The following CASZ1 variants were observed in gnomAD, a reference collection of about 807,000 sequenced individuals.
CASZ1 encodes the protein zinc finger protein castor homolog 1.
Under a neutral mutation model 135.2 loss-of-function variants are expected in CASZ1, and 28 were observed. The ratio of observed to expected loss-of-function variants is 0.21; its 90% CI spans 0.15 to 0.28. The LOEUF (loss-of-function observed/expected upper bound fraction) is 0.28, where lower values mean the gene tolerates loss of function less well. Ranked by LOEUF, CASZ1 falls within the 10% of genes least tolerant of loss-of-function variation. The probability of loss-of-function intolerance (pLI) is 1.00; values close to 1 mark genes in which losing one functional copy is unlikely to be tolerated. For synonymous variants in CASZ1, 1,068 were observed against 1,073.4 expected (o/e 0.99, Z 0.10); for missense variants, 2,161 against 2,453.3 (o/e 0.88, Z 2.52).
intron 1 of CASZ1, among the ~76,000 whole-genome samples, chr1:10,783,848 G>T (rs1490258896): frequency 7.3e-6 from 1 of 136,580 alleles, no homozygotes; most frequent in Non-Finnish European, 1.5e-5. Flanking sequence ...ATTCAGCCTG[G>T]GTGAAAAAGC....
rs921934911 is a variant in CASZ1, at chr1:10,762,297, G to C, written c.-233-1440C>G. ...CAGCCCAGCTCCCATCCCACCCCTC[G>C]GCGCCACACAGGGTTAACAGCGGGT... On this transcript the variant is annotated intron_variant, in intron 1 of 20. Transcript: ENST00000377022. The surrounding 1 kb of genome is among the most constrained non-coding windows in gnomAD (Gnocchi z 4.1). Among the ~76,000 whole-genome samples, 1 of 151,910 alleles carries C rather than the reference G, an allele frequency of 6.6e-6. No individual in the cohort carries two copies. The highest frequency in any genetic ancestry group is 1.5e-5 in the Non-Finnish European group (1 of 67,960).
In CASZ1 at chr1:10,759,009, C is replaced by G. The variant is rs1397322462; in HGVS notation, c.-77+1692G>C. On this transcript the variant is annotated intron_variant, in intron 2 of 20. Coordinates refer to ENST00000377022, the MANE Select transcript of CASZ1 (RefSeq NM_001079843.3). This position sits in a 1 kb window ranked among gnomAD's most constrained non-coding sequence, Gnocchi z 4.2. The stretch of plus-strand genomic sequence containing the variant: ...CAGGTACAAATCCCCGCTTGCATGA[C>G]CCCTGGGAGTCAACAGCGAATGGAA... Among the ~76,000 whole-genome samples, 4 of 152,196 alleles carry G rather than the reference C, an allele frequency of 2.6e-5. No individual in the cohort carries two copies. The highest frequency in any genetic ancestry group is 5.9e-5 in the Non-Finnish European group (4 of 68,030).
Position 10,759,545 on chromosome 1 carries a change from T to C in CASZ1, c.-77+1156A>G, listed in dbSNP as rs1640323975. Reference sequence around the variant, plus strand: ...CATTTGCATCTGATTTGCAAATCTCTGGGCTGTATCCAGAGCTAGTTCCCT... The same window carrying C: ...CATTTGCATCTGATTTGCAAATCTCCGGGCTGTATCCAGAGCTAGTTCCCT... On this transcript the variant is annotated intron_variant, in intron 2 of 20. Transcript: ENST00000377022. The surrounding 1 kb of genome is among the most constrained non-coding windows in gnomAD (Gnocchi z 4.2). Among the ~76,000 whole-genome samples the C allele has an allele frequency of 6.6e-6, 1 of 152,178 alleles. No homozygotes were observed. Among genetic ancestry groups the C allele is most frequent in the South Asian group, 2.1e-4 (1 of 4,816 alleles).
rs1032810289 is a variant in CASZ1 at position 10,656,698 on chromosome 1, G to A, written c.1448C>T (p.Ala483Val). 1 of 1,603,578 alleles carries A rather than the reference G, an allele frequency of 6.2e-7. No homozygotes were observed. ...GTGGTAGTGCTCGCGGTACTGGTAG[G>A]CACAGTGGATGTGGCCACAGTGCTG... ...GSQHCGHIHC[A>V]YQYREHYHCL... Residue 483 changes from alanine (A) to valine (V), a missense_variant, in exon 8 of 21, where the codon GCC becomes GTC. Transcript: ENST00000377022.
intron 2 of CASZ1, among the ~76,000 whole-genome samples, chr1:10,713,224 C>A (rs1211588442): frequency 1.3e-5 from 2 of 152,198 alleles, no homozygotes. Context: ...CTCATTACAT[C>A]CGGGGGGATT....
rs377222426 is a variant in CASZ1 at position 10,668,602 on chromosome 1, T to C, written c.17-3031A>G. ...CACACAGTCAGAGCCCACTCTCTGC[T>C]GGTGGCGGTGCTCTTGGCCTCCAGC... On this transcript the variant is annotated intron_variant, in intron 4 of 20. Coordinates refer to ENST00000377022, the MANE Select transcript of CASZ1 (RefSeq NM_001079843.3). Among the ~76,000 whole-genome samples, 911 of 152,364 alleles carry C rather than the reference T, an allele frequency of 6.0e-3. 8 individuals are homozygous for C. The highest frequency in any genetic ancestry group is 0.02 in the African/African-American group (845 of 41,590).
intron 2 of CASZ1, among the ~76,000 whole-genome samples, chr1:10,753,774 C>T (rs981668801): frequency 1.3e-5 from 2 of 152,150 alleles, no homozygotes; most frequent in African/African-American, 2.4e-5. Context: ...TCAAGAAGGG[C>T]GATCCGGGCA....
chr1:10,746,061 A>C (rs1277840681), intron 2 of CASZ1, among the ~76,000 whole-genome samples: 2 of 152,220 alleles, frequency 1.3e-5, no homozygotes, highest in South Asian at 2.1e-4. Context: ...CAGGTGAAGA[A>C]ACTGGGACAG....
intron 4 of CASZ1, among the ~76,000 whole-genome samples, chr1:10,688,981 GAGGAGGAGA>G (rs1289899159): frequency 2.0e-5 from 3 of 152,182 alleles, no homozygotes; most frequent in East Asian, 3.9e-4. Flanking sequence ...CTCTGAAGAT[GAGGAGGAGA>G]AGGAGGAAAA....
Position 10,654,136 on chromosome 1 carries a change from C to T in CASZ1, c.1921G>A (p.Ala641Thr), listed in dbSNP as rs781770661. ...KSYHIKDDAY[A>T]KDGFKKFYKY... ...TAGAACTTCTTGAAGCCGTCCTTGG[C>T]GTAGGCATCGTCCTTGATGTGGTAG... The change falls in exon 11 of 21, where the codon GCC becomes ACC. Residue 641 changes from alanine to threonine, a missense_variant. Ala to Thr is a moderately conservative substitution (Grantham distance 58, BLOSUM62 0). Around this residue, in one of 7 missense-constraint regions of CASZ1, gnomAD observed 248 missense variants for 410.8 expected, o/e 0.60. Coordinates refer to ENST00000377022, the MANE Select transcript of CASZ1 (RefSeq NM_001079843.3). 8.1e-6 allele frequency: 13 copies of T among 1,614,200 alleles called. No individual in the cohort carries two copies. Among genetic ancestry groups the T allele is most frequent in the East Asian group, 2.2e-5 (1 of 44,882 alleles).
At chr1:10,668,074 A>G (rs989397546) in intron 4 of CASZ1, among the ~76,000 whole-genome samples, 1 of 152,056 alleles carries the variant, frequency 6.6e-6, no homozygotes, top group African/African-American at 2.4e-5. Context: ...CCAGGGGTGG[A>G]GGTGGGAGGC....
chr1:10,773,340 G>A (rs951803044), intron 1 of CASZ1, among the ~76,000 whole-genome samples: 1 of 151,566 alleles, frequency 6.6e-6, no homozygotes, highest in Admixed American at 6.6e-5. Flanking sequence ...AGGTGTGCCG[G>A]CTACGGGCAG....
At chr1:10,687,492 G>A (rs1411340882) in intron 4 of CASZ1, among the ~76,000 whole-genome samples, 1 of 152,254 alleles carries the variant, frequency 6.6e-6, no homozygotes, top group African/African-American at 2.4e-5. Context: ...CACATACCAC[G>A]CCCGGGGCAG....
At chr1:10,658,190 C>G (rs893597135) in intron 7 of CASZ1, 8 of 345,188 alleles carry the variant, frequency 2.3e-5, no homozygotes, top group East Asian at 1.1e-4. Flanking sequence ...ACTCAAGGCT[C>G]TGTGTGACAG....
intron 2 of CASZ1, among the ~76,000 whole-genome samples, chr1:10,716,944 C>T (rs949331336): frequency 1.4e-4 from 22 of 152,148 alleles, no homozygotes; most frequent in African/African-American, 2.4e-4. Context: ...GTCTCTTTTA[C>T]GTTCGGTCAA....
chr1:10,686,817 C>G (rs1052304853), intron 4 of CASZ1, among the ~76,000 whole-genome samples: 17 of 152,232 alleles, frequency 1.1e-4, no homozygotes, highest in Admixed American at 2.6e-4. Context: ...GCCCCTCCCC[C>G]ACCCGTGGCC....
intron 4 of CASZ1, among the ~76,000 whole-genome samples, chr1:10,686,067 C>T (rs1305624218): frequency 6.6e-6 from 1 of 152,160 alleles, no homozygotes; most frequent in Non-Finnish European, 1.5e-5. Context: ...GCTACTGGGG[C>T]CAACCTGACC....
rs1030173486 is a variant in CASZ1 at position 10,721,215 on chromosome 1, G to T, written c.-76-15671C>A. Among the ~76,000 whole-genome samples, 1 of 152,006 alleles carries T rather than the reference G, an allele frequency of 6.6e-6. No homozygotes were observed. The highest frequency in any genetic ancestry group is 2.4e-5 in the African/African-American group (1 of 41,384). ...GCACAGGGTTAACTCCAGACAGAGG[G>T]GCTGGCTGGCTTTCCTTCACTCTAC... On this transcript the variant is annotated intron_variant, in intron 2 of 20. Transcript: ENST00000377022. The surrounding 1 kb of genome is among the most constrained non-coding windows in gnomAD (Gnocchi z 5.4).
At chr1:10,781,180 A>G (rs1464006997) in intron 1 of CASZ1, among the ~76,000 whole-genome samples, 1 of 152,134 alleles carries the variant, frequency 6.6e-6, no homozygotes, top group African/African-American at 2.4e-5. Context: ...GGGCTCTGGG[A>G]GGAGAGAAGC....
Sources: allele counts gnomAD v4.1 joint callset (sites outside exome capture counted in the v4.1 genomes callset), GRCh38; gene constraint gnomAD v4.1.1; regional missense constraint gnomAD v4.1.1; non-coding constraint Gnocchi (gnomAD v3.1); transcripts MANE v1.5; gene names NCBI Gene and HGNC (gene_info 2026-07-23, HGNC 2026-07-21).